The following ANKRD36B variants were observed in gnomAD, a reference collection of about 807,000 sequenced individuals.
The protein encoded by ANKRD36B is ankyrin repeat domain-containing protein 36B.
ANKRD36B carries 37 observed loss-of-function variants against 135.7 expected under a neutral mutation model. The observed-to-expected ratio is 0.27, with a 90% CI of 0.21 to 0.36. The LOEUF (loss-of-function observed/expected upper bound fraction) is 0.36, where lower values mean the gene tolerates loss of function less well. ANKRD36B is among the 10% of genes least tolerant of loss of function. The pLI is 1.00. For missense variants in ANKRD36B, 549 were observed against 1,037.1 expected (o/e 0.53, Z 6.46); for synonymous variants, 179 against 348.1 (o/e 0.51, Z 5.41).
At position 97,544,204 on chromosome 2, in the gene ANKRD36B, G is replaced by C. The variant is rs572509842; in HGVS notation, c.1682-219C>G. 1.1e-3 allele frequency among the ~76,000 whole-genome samples: 53 copies of C among 47,172 alleles called. 9 individuals carry two copies. The highest frequency in any genetic ancestry group is 3.0e-3 in the African/African-American group (51 of 16,822). 30.9% of individuals were successfully genotyped at this position (47,172 alleles called of 152,430 possible). A position where few individuals can be genotyped will look rare whatever the true frequency, so the allele number is the denominator to read the frequency against. The stretch of plus-strand genomic sequence containing the variant: ...ATACTTACAATTTCAAACATGGCAT[G>C]ATTTGTCATATGTCTAAAACTAAAA... On this transcript the variant is annotated intron_variant, in intron 24 of 43. Coordinates refer to ENST00000359901, the MANE Select transcript of ANKRD36B (RefSeq NM_001393939.1).
rs1181297283 is a variant in ANKRD36B, at chr2:97,530,632, G to A, written c.2265+1679C>T. ...AGTGAACAGGCAACCTACAAAATGG[G>A]AGAAAATTTTCACAACCTACTCATC... On this transcript the variant is annotated intron_variant, in intron 35 of 43. Transcript: ENST00000359901. Among the ~76,000 whole-genome samples, 5 of 95,036 alleles carry A rather than the reference G, an allele frequency of 5.3e-5. 2 individuals are homozygous for A. The highest frequency in any genetic ancestry group is 1.9e-4 in the Admixed American group (2 of 10,670). The allele number at this position is 95,036 out of a possible 152,430, so 62.3% of individuals were successfully genotyped here. A position where few individuals can be genotyped will look rare whatever the true frequency, so the allele number is the denominator to read the frequency against.
chr2:97,574,204 C>A (rs1167279814), intron 6 of ANKRD36B, among the ~76,000 whole-genome samples: 1 of 152,074 alleles, frequency 6.6e-6, no homozygotes, highest in Non-Finnish European at 1.5e-5. Flanking sequence ...AAAAAACAAA[C>A]AACCCCATCA....
intron 1 of ANKRD36B, among the ~76,000 whole-genome samples, chr2:97,586,227 A>G (rs886224564): frequency 6.6e-6 from 1 of 152,198 alleles, no homozygotes; most frequent in Non-Finnish European, 1.5e-5. Context: ...AAATAATCCA[A>G]AGAAAACTCA....
chr2:97,549,180 A>G (rs774399412), intron 20 of ANKRD36B, among the ~76,000 whole-genome samples: 54 of 151,832 alleles, frequency 3.6e-4, no homozygotes, highest in Non-Finnish European at 6.9e-4. Flanking sequence ...TGCTCTCCAT[A>G]TATCTTCTTC....
chr2:97,577,691 C>T (rs1457850531), intron 5 of ANKRD36B, among the ~76,000 whole-genome samples: 3 of 146,072 alleles, frequency 2.1e-5, no homozygotes, highest in African/African-American at 7.5e-5. Context: ...ATCTAACTAA[C>T]AAACTTGAGA....
chr2:97,552,067 G>C (rs1408640139), intron 16 of ANKRD36B, among the ~76,000 whole-genome samples: 1 of 151,928 alleles, frequency 6.6e-6, no homozygotes, highest in African/African-American at 2.4e-5. Flanking sequence ...TCACACCCAT[G>C]TGGTGTAATA....
rs528127185 is a variant in ANKRD36B at position 97,528,617 on chromosome 2, C to T, written c.2265+3694G>A. Among the ~76,000 whole-genome samples, 217 of 94,154 alleles carry T rather than the reference C, an allele frequency of 2.3e-3. 71 individuals carry two copies. The highest frequency in any genetic ancestry group is 1.9e-3 in the Non-Finnish European group (67 of 35,382). 61.8% of individuals were successfully genotyped at this position (94,154 alleles called of 152,430 possible). A position where few individuals can be genotyped will look rare whatever the true frequency, so the allele number is the denominator to read the frequency against. Reference sequence around the variant, plus strand: ...TCAAAAAATTAATGAATCCAGGAGCCGGTTTTTTGAAAGGATCAACAAAAT... The same window carrying T: ...TCAAAAAATTAATGAATCCAGGAGCTGGTTTTTTGAAAGGATCAACAAAAT... On this transcript the variant is annotated intron_variant, in intron 35 of 43. Transcript: ENST00000359901.
chr2:97,540,842 T>C lies in ANKRD36B; in HGVS notation c.1886-613A>G, dbSNP rs1193167093. Among the ~76,000 whole-genome samples the C allele has an allele frequency of 2.1e-5, 2 of 96,626 alleles. 1 individual carries two copies. Among genetic ancestry groups the C allele is most frequent in the Admixed American group, 1.9e-4 (2 of 10,754 alleles). The allele number at this position is 96,626 out of a possible 152,430, so 63.4% of individuals were successfully genotyped here. ...TGGTGTAATAATTTGCCTAAGTTTC[T>C]TGTATCCACTCGTTTAGCTTTCCAA... On this transcript the variant is annotated intron_variant, in intron 28 of 43. Coordinates refer to ENST00000359901, the MANE Select transcript of ANKRD36B (RefSeq NM_001393939.1).
At chr2:97,539,422 C>T (rs1173435299) in intron 30 of ANKRD36B, among the ~76,000 whole-genome samples, 1 of 96,718 alleles carries the variant, frequency 1.0e-5, no homozygotes, top group South Asian at 2.3e-4. Context: ...TTCTAGGAGT[C>T]CTTCCTGCTT....
chr2:97,559,079 T>C (rs1321883944), intron 8 of ANKRD36B, 85 bp from the exon 9 acceptor site: 1 of 1,574,710 alleles, frequency 6.4e-7, no homozygotes, highest in Non-Finnish European at 8.6e-7. Context: ...AGCATCAAGC[T>C]GTATCTTCCT....
intron 35 of ANKRD36B, 146 bp downstream of exon 35, chr2:97,532,165 C>T: frequency 2.3e-6 from 1 of 435,306 alleles, no homozygotes; most frequent in South Asian, 1.8e-5. Flanking sequence ...AGTTTTATAA[C>T]TAAATGTTTT....
rs534486170 is a variant in ANKRD36B at position 97,578,514 on chromosome 2, T to C, written c.695+392A>G. On this transcript the variant is annotated intron_variant, in intron 5 of 43. Coordinates refer to ENST00000359901, the MANE Select transcript of ANKRD36B (RefSeq NM_001393939.1). ...AATTCCATGATCAGGCTATAGTAGA[T>C]GGTCCCCAGTACACAACTCAAGGTT... Among the ~76,000 whole-genome samples the C allele has an allele frequency of 2.4e-3, 366 of 152,168 alleles. 3 individuals carry two copies. The highest frequency in any genetic ancestry group is 7.7e-3 in the African/African-American group (318 of 41,562).
At chr2:97,553,545 G>A (rs2080245805) in intron 14 of ANKRD36B, among the ~76,000 whole-genome samples, 174 bp from the exon 15 acceptor site, 1 of 151,930 alleles carries the variant, frequency 6.6e-6, no homozygotes, top group Non-Finnish European at 1.5e-5. Context: ...AAAGAAAACA[G>A]AAATAGATGT....
At chr2:97,572,468 TAA>T (rs1188061987) in intron 6 of ANKRD36B, among the ~76,000 whole-genome samples, 2 of 102,988 alleles carry the variant, frequency 1.9e-5, no homozygotes, top group East Asian at 4.5e-4. Flanking sequence ...TAAAAAAATT[TAA>T]AAGACACCTT....
intron 14 of ANKRD36B, 151 bp downstream of exon 14, chr2:97,554,909 A>G: frequency 9.9e-7 from 1 of 1,011,504 alleles, no homozygotes; most frequent in Admixed American, 2.3e-5. Context: ...CAGCATCAGC[A>G]TCACCCGAGA....
At chr2:97,587,668 CG>C (rs1313102149) in intron 1 of ANKRD36B, among the ~76,000 whole-genome samples, 1 of 152,088 alleles carries the variant, frequency 6.6e-6, no homozygotes, top group Non-Finnish European at 1.5e-5. Flanking sequence ...TTTAGTATAA[CG>C]GAATTGATGG....
intron 10 of ANKRD36B, among the ~76,000 whole-genome samples, chr2:97,557,449 G>A (rs900933785): frequency 2.6e-5 from 4 of 151,698 alleles, no homozygotes; most frequent in African/African-American, 9.7e-5. Flanking sequence ...AATCAGAGGA[G>A]CAACTCATAC....
At chr2:97,574,192 G>GA (rs1471670447) in intron 6 of ANKRD36B, among the ~76,000 whole-genome samples, 1 of 151,786 alleles carries the variant, frequency 6.6e-6, no homozygotes, top group Non-Finnish European at 1.5e-5. Flanking sequence ...AAATTTACAA[G>GA]AAAAAAACAA....
At chr2:97,559,210 A>G (rs1309647499) in intron 8 of ANKRD36B, among the ~76,000 whole-genome samples, 3 of 151,774 alleles carry the variant, frequency 2.0e-5, no homozygotes, top group Non-Finnish European at 2.9e-5. Flanking sequence ...AATTTCAAAC[A>G]TGGTATGATT....
Sources: allele counts gnomAD v4.1 joint callset (sites outside exome capture counted in the v4.1 genomes callset), GRCh38; gene constraint gnomAD v4.1.1; transcripts MANE v1.5; gene names NCBI Gene and HGNC (gene_info 2026-07-23, HGNC 2026-07-21).